Variants in ZDHHC20 observed in about 807,000 individuals in gnomAD.
ZDHHC20 encodes the protein zDHHC palmitoyltransferase 20.
Under a neutral mutation model 57.8 loss-of-function variants are expected in ZDHHC20, and 43 were observed. That is an observed-to-expected ratio of 0.74 (90% CI 0.58 to 0.96). The LOEUF is 0.96. ZDHHC20 is among the 40% of genes least tolerant of loss of function. The pLI, the probability that ZDHHC20 is intolerant of heterozygous loss-of-function variation, is 0.00. For missense variants in ZDHHC20, 391 were observed against 441.1 expected (o/e 0.89, Z 1.02); for synonymous variants, 157 against 153.0 (o/e 1.03, Z -0.19).
chr13:21,379,081 A>AT (rs1216665477), intron 11 of ZDHHC20, among the ~76,000 whole-genome samples: 2 of 152,164 alleles, frequency 1.3e-5, no homozygotes, highest in Non-Finnish European at 2.9e-5. Context: ...AAACTTTGGA[A>AT]TTTTTCCTTG....
chr13:21,414,609 G>A (rs1031636406), intron 3 of ZDHHC20, among the ~76,000 whole-genome samples: 33 of 147,032 alleles, frequency 2.2e-4, no homozygotes, highest in African/African-American at 8.0e-4. Context: ...CTGACCTCGT[G>A]ATCTGCCCGC....
chr13:21,437,669 C>T (rs765223190), intron 1 of ZDHHC20, among the ~76,000 whole-genome samples: 2 of 151,332 alleles, frequency 1.3e-5, no homozygotes, highest in Non-Finnish European at 2.9e-5. Flanking sequence ...GGTGACAGCA[C>T]ATCTGTTTAC....
chr13:21,397,026 A>T (rs1422911694), intron 7 of ZDHHC20, among the ~76,000 whole-genome samples: 2 of 152,184 alleles, frequency 1.3e-5, no homozygotes, highest in African/African-American at 4.8e-5. Context: ...ACCTTTTTAT[A>T]AAAAGTTCTT....
At chr13:21,391,627 C>T (rs1331626612) in intron 8 of ZDHHC20, 95 bp downstream of exon 8, 3 of 1,328,348 alleles carry the variant, frequency 2.3e-6, no homozygotes, top group African/African-American at 1.5e-5. Context: ...AATTGTCTTA[C>T]ACTTCTGTAT....
chr13:21,385,971 C>G (rs567300356), intron 9 of ZDHHC20, among the ~76,000 whole-genome samples: 1 of 152,034 alleles, frequency 6.6e-6, no homozygotes, highest in Non-Finnish European at 1.5e-5. Flanking sequence ...GGAAGGAAAA[C>G]AAAAAACAAC....
At chr13:21,414,321 C>T (rs369130701) in intron 3 of ZDHHC20, among the ~76,000 whole-genome samples, 1 of 150,088 alleles carries the variant, frequency 6.7e-6, no homozygotes, top group Non-Finnish European at 1.5e-5. Flanking sequence ...TCAAGGCAAG[C>T]ATAGTTGCCT....
intron 5 of ZDHHC20, among the ~76,000 whole-genome samples, chr13:21,401,970 C>A (rs1012098866): frequency 1.3e-5 from 2 of 151,928 alleles, no homozygotes; most frequent in East Asian, 3.9e-4. Flanking sequence ...GTGGCTCATG[C>A]GTGTAATTAA....
intron 10 of ZDHHC20, chr13:21,382,132 T>G (rs996052584): frequency 3.3e-6 from 1 of 307,008 alleles, no homozygotes; most frequent in Non-Finnish European, 6.7e-6. Flanking sequence ...AAAATAAACT[T>G]TGGTGGTAAG....
chr13:21,459,100 G>A lies in ZDHHC20; in HGVS notation c.72C>T (p.Phe24=), dbSNP rs1479756426. 5.6e-6 allele frequency: 9 copies of A among 1,607,012 alleles called. No individual in the cohort carries two copies. In the African/African-American group the frequency reaches 1.1e-4, roughly 19 times the overall value. ...VGWVPVLFIT[F]VVVWSYYAYV... ...ACGCGTAGTAGGACCAGACGACCAC[G>A]AAGGTGATGAAGAGCACCGGCACCC... Residue 24 remains phenylalanine, a synonymous_variant, in exon 1 of 13, where the codon TTC becomes TTT. Coordinates refer to ENST00000400590, the MANE Select transcript of ZDHHC20 (RefSeq NM_001330059.2).
In ZDHHC20 at chr13:21,410,905, G is replaced by A. The variant is rs946246474; in HGVS notation, c.370+2747C>T. Among the ~76,000 whole-genome samples the A allele has an allele frequency of 3.3e-5, 5 of 152,088 alleles. No individual in the cohort carries two copies. In the South Asian group the frequency reaches 8.3e-4, roughly 25 times the overall value. ...TGCTGGCGTGCCAGGTGCCACTGGGGTACGAAAAAAAACTCCTGCAGCTAG... is the reference window on the plus strand; with the variant it reads ...TGCTGGCGTGCCAGGTGCCACTGGGATACGAAAAAAAACTCCTGCAGCTAG... On this transcript the variant is annotated intron_variant, in intron 4 of 12. Coordinates refer to ENST00000400590, the MANE Select transcript of ZDHHC20 (RefSeq NM_001330059.2).
At chr13:21,379,973 G>A (rs987108250) in intron 11 of ZDHHC20, among the ~76,000 whole-genome samples, 3 of 147,198 alleles carry the variant, frequency 2.0e-5, no homozygotes, top group African/African-American at 2.5e-5. Context: ...CCACCACCTC[G>A]CCCGTCTAAT....
At chr13:21,421,195 G>C in intron 2 of ZDHHC20, 31 bp from the exon 3 acceptor site, 1 of 1,575,144 alleles carries the variant, frequency 6.3e-7, no homozygotes, top group Non-Finnish European at 8.7e-7. Flanking sequence ...ACAGTTCATT[G>C]AATCCAGGTG....
chr13:21,397,389 C>T (rs1376577427), intron 7 of ZDHHC20, among the ~76,000 whole-genome samples: 3 of 151,438 alleles, frequency 2.0e-5, no homozygotes, highest in African/African-American at 4.9e-5. Flanking sequence ...TGGCTGGGCT[C>T]GGTGGCTCGC....
At chr13:21,414,369 CT>C (rs563334512) in intron 3 of ZDHHC20, among the ~76,000 whole-genome samples, 9 of 133,942 alleles carry the variant, frequency 6.7e-5, no homozygotes, top group African/African-American at 1.6e-4. Context: ...TTTTTTTTTT[CT>C]TTTTTTTTGA....
intron 1 of ZDHHC20, among the ~76,000 whole-genome samples, chr13:21,443,822 A>C (rs1195663875): frequency 3.3e-5 from 5 of 152,326 alleles, no homozygotes; most frequent in African/African-American, 1.2e-4. Flanking sequence ...TTTTTCTAGA[A>C]CTTCCACATG....
In ZDHHC20 at chr13:21,414,527, A is replaced by ATTTT. The variant is rs747307477; in HGVS notation, c.250-759_250-756dup. Among the ~76,000 whole-genome samples, 293 of 107,516 alleles carry ATTTT rather than the reference A, an allele frequency of 2.7e-3. 12 individuals are homozygous for ATTTT. Among genetic ancestry groups the ATTTT allele is most frequent in the South Asian group, 5.4e-3 (17 of 3,168 alleles). 70.5% of individuals were successfully genotyped at this position (107,516 alleles called of 152,430 possible). The stretch of plus-strand genomic sequence containing the variant: ...AGGCGCACGCCACTATGCCCGGATA[A>ATTTT]TTTTTTTTTTTTTTTTTGTATTTTT... On this transcript the variant is annotated intron_variant, in intron 3 of 12. Coordinates refer to ENST00000400590, the MANE Select transcript of ZDHHC20 (RefSeq NM_001330059.2).
intron 4 of ZDHHC20, among the ~76,000 whole-genome samples, chr13:21,405,405 T>C (rs1207204257): frequency 6.6e-6 from 1 of 152,068 alleles, no homozygotes; most frequent in African/African-American, 2.4e-5. Context: ...CTCTAGCACA[T>C]TAGGGAAAAA....
intron 1 of ZDHHC20, among the ~76,000 whole-genome samples, chr13:21,432,339 T>C (rs1446093246): frequency 6.7e-6 from 1 of 150,030 alleles, no homozygotes. Flanking sequence ...TAATTTTTTT[T>C]TTTTTTTTGA....
chr13:21,412,752 T>C (rs965077611), intron 4 of ZDHHC20, among the ~76,000 whole-genome samples: 2 of 151,950 alleles, frequency 1.3e-5, no homozygotes, highest in Non-Finnish European at 2.9e-5. Flanking sequence ...GCAGATCACT[T>C]GAGGCCAGGA....
Sources: allele counts gnomAD v4.1 joint callset (sites outside exome capture counted in the v4.1 genomes callset), GRCh38; gene constraint gnomAD v4.1.1; transcripts MANE v1.5; gene names NCBI Gene and HGNC (gene_info 2026-07-23, HGNC 2026-07-21).